Variants in PLCH1 observed in about 807,000 individuals in gnomAD.
PLCH1 encodes phospholipase C eta 1, also known as 1-phosphatidylinositol 4,5-bisphosphate phosphodiesterase eta-1.
In PLCH1, 60 loss-of-function variants were observed where a neutral mutation model predicts 126.7. That is an observed-to-expected ratio of 0.47 (90% CI 0.38 to 0.59). The LOEUF is 0.59. PLCH1 is among the 20% of genes least tolerant of loss of function. The pLI, the probability that PLCH1 is intolerant of heterozygous loss-of-function variation, is 0.00. For missense variants in PLCH1, 1,723 were observed against 2,040.0 expected (o/e 0.84, Z 2.99); for synonymous variants, 719 against 734.9 (o/e 0.98, Z 0.35).
chr3:155,735,750 A>G (rs569891854), intron 1 of PLCH1, among the ~76,000 whole-genome samples: 110 of 152,358 alleles, frequency 7.2e-4, no homozygotes, highest in Non-Finnish European at 1.3e-3. Flanking sequence ...CCATTCTGCA[A>G]TGTATACATA....
intron 22 of PLCH1, among the ~76,000 whole-genome samples, chr3:155,484,286 T>C (rs1308681380): frequency 9.2e-5 from 14 of 152,210 alleles, no homozygotes; most frequent in Admixed American, 7.2e-4. Flanking sequence ...CTACTGAATA[T>C]AGCTTTATTT....
intron 10 of PLCH1, among the ~76,000 whole-genome samples, chr3:155,544,876 A>G (rs13071648): frequency 0.53 from 77,547 of 145,812 alleles, 24,903 homozygotes; most frequent in Non-Finnish European, 0.74. Context: ...TCTCTGGGAC[A>G]CATTCAAAGC....
At chr3:155,733,978 T>TAC (rs57242658) in intron 1 of PLCH1, among the ~76,000 whole-genome samples, 2 of 126,138 alleles carry the variant, frequency 1.6e-5, no homozygotes, top group African/African-American at 5.9e-5. Context: ...TATATATATA[T>TAC]GCACTCAACA....
chr3:155,479,305 C>G (rs1194895798), downstream of PLCH1, among the ~76,000 whole-genome samples: 2 of 152,076 alleles, frequency 1.3e-5, no homozygotes, highest in African/African-American at 4.8e-5. Context: ...ACAAAAATGC[C>G]TTGGGCTCAC....
At chr3:155,553,980 G>T in intron 9 of PLCH1, 96 bp downstream of exon 9, 1 of 1,213,780 alleles carries the variant, frequency 8.2e-7, no homozygotes, top group Non-Finnish European at 1.2e-6. Flanking sequence ...GCAGTGTAGA[G>T]TCCAAGGAAG....
chr3:155,635,324 C>A (rs776845107), intron 2 of PLCH1, among the ~76,000 whole-genome samples: 16 of 152,232 alleles, frequency 1.1e-4, no homozygotes, highest in Middle Eastern at 6.8e-3. Flanking sequence ...TGCATCTCCT[C>A]CATCTGGACA....
intron 2 of PLCH1, among the ~76,000 whole-genome samples, chr3:155,680,614 G>C (rs1744435877): frequency 6.6e-6 from 1 of 152,120 alleles, no homozygotes; most frequent in Non-Finnish European, 1.5e-5. Context: ...TGTACATTGA[G>C]AGCATAAACT....
intron 2 of PLCH1, among the ~76,000 whole-genome samples, chr3:155,646,123 C>T (rs189307891): frequency 1.3e-5 from 2 of 152,230 alleles, no homozygotes; most frequent in East Asian, 1.9e-4. Flanking sequence ...GAGCTGTTTA[C>T]GATCTCTAGA....
intron 21 of PLCH1, among the ~76,000 whole-genome samples, chr3:155,470,960 T>C (rs986049296): frequency 0.012 from 1,827 of 152,034 alleles, 33 homozygotes; most frequent in African/African-American, 0.042. Context: ...CAGTACCAGC[T>C]ACTGCAAAAT....
chr3:155,515,480 C>T (rs1164662338), intron 11 of PLCH1, among the ~76,000 whole-genome samples: 1 of 152,232 alleles, frequency 6.6e-6, no homozygotes, highest in Non-Finnish European at 1.5e-5. Context: ...TATTTCCAAT[C>T]CCATTGTATA....
chr3:155,568,867 TGAAA>T (rs1292805729), intron 6 of PLCH1, among the ~76,000 whole-genome samples: 1 of 151,472 alleles, frequency 6.6e-6, no homozygotes, highest in East Asian at 1.9e-4. Context: ...GAAATAAAAA[TGAAA>T]AGCTAGGTGA....
chr3:155,596,079 G>GCCT (rs1371438789), intron 3 of PLCH1, among the ~76,000 whole-genome samples, 153 bp downstream of exon 3: 2 of 151,998 alleles, frequency 1.3e-5, no homozygotes, highest in Non-Finnish European at 2.9e-5. Flanking sequence ...CCCCAAAGAT[G>GCCT]GTCATTATTC....
chr3:155,626,768 CAAAAAAAAAAAAAAAAAAAAA>C (rs71155058), intron 2 of PLCH1, among the ~76,000 whole-genome samples: 3 of 49,652 alleles, frequency 6.0e-5, no homozygotes, highest in Non-Finnish European at 1.2e-4. Flanking sequence ...GACTCCGTCT[CAAAAAAAAAAAAAAAAAAAAA>C]AAAAAAAAAA....
intron 5 of PLCH1, among the ~76,000 whole-genome samples, chr3:155,585,330 C>T (rs959536764): frequency 6.6e-6 from 1 of 152,176 alleles, no homozygotes; most frequent in Admixed American, 6.5e-5. Context: ...CAAAGTATCA[C>T]CTAGAAAATC....
intron 1 of PLCH1, 39 bp from the exon 2 acceptor site, chr3:155,704,303 C>T (rs1318335236): frequency 1.7e-5 from 9 of 528,332 alleles, no homozygotes; most frequent in South Asian, 1.9e-4. Flanking sequence ...ATGAAGAAAA[C>T]GGCAGCCACA....
chr3:155,533,842 C>T (rs1722998161), intron 10 of PLCH1, among the ~76,000 whole-genome samples: 1 of 152,230 alleles, frequency 6.6e-6, no homozygotes, highest in African/African-American at 2.4e-5. Context: ...TCAGCTCAGG[C>T]CATTGCTTCA....
At chr3:155,559,698 C>A (rs905722568) in intron 8 of PLCH1, among the ~76,000 whole-genome samples, 1 of 152,144 alleles carries the variant, frequency 6.6e-6, no homozygotes, top group Non-Finnish European at 1.5e-5. Context: ...TATACCATAG[C>A]TGTGCATAGC....
chr3:155,469,244 C>A (rs968864287), intron 21 of PLCH1, among the ~76,000 whole-genome samples: 2 of 152,138 alleles, frequency 1.3e-5, no homozygotes, highest in Admixed American at 1.3e-4. Flanking sequence ...CGAAGCAGGG[C>A]GAGGCATTGC....
intron 2 of PLCH1, among the ~76,000 whole-genome samples, chr3:155,699,207 C>T (rs1746078870): frequency 6.6e-6 from 1 of 151,972 alleles, no homozygotes. Context: ...TCCCAAGTAG[C>T]TGGGATTACA....
Sources: allele counts gnomAD v4.1 joint callset (sites outside exome capture counted in the v4.1 genomes callset), GRCh38; gene constraint gnomAD v4.1.1; transcripts MANE v1.5; gene names NCBI Gene and HGNC (gene_info 2026-07-23, HGNC 2026-07-21).